The following TMEM200A variants were observed in gnomAD, a reference collection of about 807,000 sequenced individuals.
The protein encoded by TMEM200A is two transmembrane C.
A neutral mutation model predicts 24.3 loss-of-function variants in TMEM200A; 12 were observed. That is an observed-to-expected ratio of 0.49 (90% CI 0.32 to 0.80). The LOEUF (loss-of-function observed/expected upper bound fraction) is 0.80, where lower values mean the gene tolerates loss of function less well. Ranked by LOEUF, TMEM200A falls within the 30% of genes least tolerant of loss-of-function variation. The probability of loss-of-function intolerance (pLI) is 0.04; values close to 1 mark genes in which losing one functional copy is unlikely to be tolerated. For synonymous variants in TMEM200A, 224 were observed against 224.4 expected (o/e 1.00, Z 0.02); for missense variants, 545 against 614.4 (o/e 0.89, Z 1.19).
At chr6:130,402,440 A>G (rs1484031092) in intron 2 of TMEM200A, among the ~76,000 whole-genome samples, 2 of 152,076 alleles carry the variant, frequency 1.3e-5, no homozygotes, top group Non-Finnish European at 2.9e-5. Flanking sequence ...GATAAGACCC[A>G]CAAAGGAACC....
intron 2 of TMEM200A, among the ~76,000 whole-genome samples, chr6:130,386,669 T>C (rs1247893533): frequency 6.6e-6 from 1 of 152,196 alleles, no homozygotes; most frequent in African/African-American, 2.4e-5. Context: ...AAAGATACTC[T>C]AGGTGATTAG....
intron 1 of TMEM200A, among the ~76,000 whole-genome samples, chr6:130,374,557 AG>A (rs1242261902): frequency 6.6e-6 from 1 of 151,934 alleles, no homozygotes; most frequent in Non-Finnish European, 1.5e-5. Flanking sequence ...CTGGGATTAC[AG>A]GGGCACACCA....
At chr6:130,394,567 T>G (rs1778906937) in intron 2 of TMEM200A, among the ~76,000 whole-genome samples, 1 of 152,222 alleles carries the variant, frequency 6.6e-6, no homozygotes, top group African/African-American at 2.4e-5. Flanking sequence ...TTTCTTTATA[T>G]GTGGGAGGAC....
chr6:130,394,185 T>G (rs776501191), intron 2 of TMEM200A, among the ~76,000 whole-genome samples: 1 of 152,186 alleles, frequency 6.6e-6, no homozygotes, highest in Non-Finnish European at 1.5e-5. Context: ...TGTTCTATAT[T>G]GAGGGAGCCA....
chr6:130,383,578 T>A (rs1386359894), intron 1 of TMEM200A, among the ~76,000 whole-genome samples: 1 of 152,226 alleles, frequency 6.6e-6, no homozygotes, highest in Non-Finnish European at 1.5e-5. Flanking sequence ...AATTATGAGC[T>A]GTTGTGATTT....
chr6:130,380,730 C>G (rs911799368), intron 1 of TMEM200A, among the ~76,000 whole-genome samples: 2 of 152,096 alleles, frequency 1.3e-5, no homozygotes, highest in Admixed American at 6.5e-5. Context: ...TCAAAATCAG[C>G]CTTGTGTGAG....
chr6:130,398,146 C>G (rs1414586270), intron 2 of TMEM200A, among the ~76,000 whole-genome samples: 2 of 151,950 alleles, frequency 1.3e-5, no homozygotes, highest in Non-Finnish European at 2.9e-5. Flanking sequence ...TCAAGTAGTC[C>G]CCGGTGCCTG....
chr6:130,442,648 C>G lies in TMEM200A; in HGVS notation c.*750C>G, dbSNP rs1780225556. ...AGCTGACTTGATAAACTAAATGAAC[C>G]AATAAAATTTGTAGAAATGCTATCC... On this transcript the variant is annotated 3_prime_UTR_variant, in exon 3 of 3. Transcript: ENST00000296978. 1.2e-5 allele frequency: 2 copies of G among 166,580 alleles called. No homozygotes were observed. The highest frequency in any genetic ancestry group is 4.8e-5 in the African/African-American group (2 of 41,408). 10.3% of individuals were successfully genotyped at this position (166,580 alleles called of 1,614,324 possible).
intron 1 of TMEM200A, 116 bp from the exon 2 acceptor site, chr6:130,385,057 G>C (rs533497262): frequency 6.6e-6 from 1 of 152,336 alleles, no homozygotes; most frequent in Non-Finnish European, 1.5e-5. Context: ...GAAGAAAGTA[G>C]TCAGACAGAA....
chr6:130,380,757 T>C (rs1778577146), intron 1 of TMEM200A, among the ~76,000 whole-genome samples: 1 of 152,226 alleles, frequency 6.6e-6, no homozygotes, highest in Admixed American at 6.5e-5. Context: ...CTCAAGGTGA[T>C]TAACTACATT....
At chr6:130,397,730 T>C (rs1486926896) in intron 2 of TMEM200A, among the ~76,000 whole-genome samples, 2 of 151,742 alleles carry the variant, frequency 1.3e-5, no homozygotes, top group Admixed American at 6.6e-5. Flanking sequence ...ACCATCCTAT[T>C]TTGTTTGTCT....
At chr6:130,382,450 A>G (rs1778622862) in intron 1 of TMEM200A, among the ~76,000 whole-genome samples, 1 of 152,188 alleles carries the variant, frequency 6.6e-6, no homozygotes, top group African/African-American at 2.4e-5. Context: ...CCCACCTTGA[A>G]TTAGTGCATC....
chr6:130,433,771 A>C (rs1216356351), intron 2 of TMEM200A, among the ~76,000 whole-genome samples: 1 of 152,236 alleles, frequency 6.6e-6, no homozygotes, highest in Admixed American at 6.5e-5. Flanking sequence ...AAAAATTCAA[A>C]CATATAAATA....
intron 2 of TMEM200A, among the ~76,000 whole-genome samples, chr6:130,425,387 C>G (rs1779706833): frequency 6.6e-6 from 1 of 152,160 alleles, no homozygotes; most frequent in Non-Finnish European, 1.5e-5. Context: ...CAATTATCAA[C>G]ATCGTTCTGG....
chr6:130,421,510 T>TTG (rs60156754), intron 2 of TMEM200A, among the ~76,000 whole-genome samples: 6,451 of 148,838 alleles, frequency 0.043, 142 homozygotes, highest in Middle Eastern at 0.068. Flanking sequence ...ACAGTTACCT[T>TTG]TGTGTGTGTG....
intron 2 of TMEM200A, among the ~76,000 whole-genome samples, chr6:130,425,127 G>A (rs1292194831): frequency 6.6e-6 from 1 of 152,120 alleles, no homozygotes; most frequent in Non-Finnish European, 1.5e-5. Flanking sequence ...CCCAGTAAGA[G>A]CACAGACGAT....
chr6:130,367,545 A>G (rs1022569092), intron 1 of TMEM200A, among the ~76,000 whole-genome samples: 1 of 152,164 alleles, frequency 6.6e-6, no homozygotes, highest in Non-Finnish European at 1.5e-5. Flanking sequence ...AAAGACCTTC[A>G]ATTTGTTATT....
At chr6:130,385,758 G>A (rs1199730330) in intron 2 of TMEM200A, among the ~76,000 whole-genome samples, 1 of 152,160 alleles carries the variant, frequency 6.6e-6, no homozygotes, top group Admixed American at 6.5e-5. Context: ...CTAAGAGTCT[G>A]AGCATTAACC....
At chr6:130,378,240 A>G (rs1193982262) in intron 1 of TMEM200A, among the ~76,000 whole-genome samples, 1 of 152,134 alleles carries the variant, frequency 6.6e-6, no homozygotes, top group African/African-American at 2.4e-5. Context: ...TTCTAAGAAT[A>G]TTGAATTAGA....
Sources: gnomAD v4.1 joint callset for allele counts (sites outside exome capture counted in the v4.1 genomes callset) on GRCh38, gnomAD v4.1.1 for gene constraint, MANE v1.5 for transcripts, NCBI Gene and HGNC (gene_info 2026-07-23, HGNC 2026-07-21) for gene names.